DCDC1: variants seen among roughly 807,000 people sequenced by gnomAD.
DCDC1 encodes the protein doublecortin domain-containing protein 1.
DCDC1 carries 200 observed loss-of-function variants against 178.3 expected under a neutral mutation model. The observed-to-expected ratio is 1.12, with a 90% CI of 1.00 to 1.26. DCDC1 has a LOEUF of 1.26. Ranked by LOEUF, DCDC1 falls within the 50% of genes most tolerant of loss-of-function variation. The pLI is 0.00. For synonymous variants in DCDC1, 690 were observed against 604.8 expected (o/e 1.14, Z -2.07); for missense variants, 1,983 against 1,749.2 (o/e 1.13, Z -2.38).
intron 20 of DCDC1, among the ~76,000 whole-genome samples, chr11:30,978,829 CCCT>C (rs1950243763): frequency 7.3e-6 from 1 of 137,058 alleles, no homozygotes; most frequent in African/African-American, 3.0e-5. Context: ...CACACACACC[CCCT>C]TCTCAGCCTC....
intron 18 of DCDC1, among the ~76,000 whole-genome samples, chr11:31,073,468 T>G (rs569968929): frequency 3.3e-5 from 5 of 152,178 alleles, no homozygotes; most frequent in Non-Finnish European, 7.4e-5. Context: ...TTAGATAAGA[T>G]GGAATTATGT....
chr11:31,343,600 C>T (rs1950661256), intron 1 of DCDC1, among the ~76,000 whole-genome samples: 1 of 152,080 alleles, frequency 6.6e-6, no homozygotes, highest in African/African-American at 2.4e-5. Context: ...AGCGACCACA[C>T]CCAGCCTGAC....
chr11:30,935,508 C>CA (rs1236918756), intron 21 of DCDC1, among the ~76,000 whole-genome samples: 5 of 152,118 alleles, frequency 3.3e-5, no homozygotes, highest in African/African-American at 7.2e-5. Flanking sequence ...CCATCCCAGC[C>CA]ATATTAACTT....
At chr11:30,936,071 G>C (rs1437082494) in intron 21 of DCDC1, among the ~76,000 whole-genome samples, 1 of 151,802 alleles carries the variant, frequency 6.6e-6, no homozygotes, top group African/African-American at 2.4e-5. Flanking sequence ...TTCTTTCCAA[G>C]TCTTAATCAG....
At chr11:30,886,267 A>T (rs1943159454) in intron 36 of DCDC1, among the ~76,000 whole-genome samples, 1 of 152,182 alleles carries the variant, frequency 6.6e-6, no homozygotes, top group Non-Finnish European at 1.5e-5. Flanking sequence ...CCTAAATAGA[A>T]AACAGAATAA....
At chr11:30,910,191 A>C (rs1945344962) in intron 28 of DCDC1, among the ~76,000 whole-genome samples, 1 of 152,214 alleles carries the variant, frequency 6.6e-6, no homozygotes. Context: ...CCAGCAACAA[A>C]AAATTCTTGA....
chr11:30,969,283 T>C lies in DCDC1; in HGVS notation c.2592-16715A>G, dbSNP rs1478596855. ...TAGGCCCTAAACCTAATCATAAGTG[T>C]CCTTAGAAGAGAGAGGCAGAAGGAA... On this transcript the variant is annotated intron_variant, in intron 20 of 38. Transcript: ENST00000684477. Among the ~76,000 whole-genome samples the C allele has an allele frequency of 3.3e-5, 5 of 152,138 alleles. No homozygotes were observed. The East Asian group carries it at 9.6e-4, about 29-fold the overall frequency.
intron 20 of DCDC1, among the ~76,000 whole-genome samples, chr11:31,020,264 A>G (rs1952780910): frequency 6.6e-6 from 1 of 152,204 alleles, no homozygotes; most frequent in Non-Finnish European, 1.5e-5. Context: ...CCAGCCTCCA[A>G]AGCCAGACAA....
chr11:31,021,446 T>C (rs752975598), intron 20 of DCDC1, among the ~76,000 whole-genome samples: 4 of 152,094 alleles, frequency 2.6e-5, no homozygotes, highest in Non-Finnish European at 2.9e-5. Flanking sequence ...AAATCTCAAA[T>C]GTGTTGTTAA....
intron 32 of DCDC1, among the ~76,000 whole-genome samples, chr11:30,901,847 C>T (rs1258957012): frequency 3.3e-5 from 5 of 152,078 alleles, no homozygotes; most frequent in Non-Finnish European, 5.9e-5. Flanking sequence ...TCTTAAAACT[C>T]GTTTGAATAC....
chr11:31,276,644 C>A (rs865827639), intron 7 of DCDC1, among the ~76,000 whole-genome samples: 21 of 152,206 alleles, frequency 1.4e-4, no homozygotes, highest in Middle Eastern at 3.4e-3. Context: ...GAAGATTGGG[C>A]TAAATTTGTA....
intron 20 of DCDC1, among the ~76,000 whole-genome samples, chr11:31,012,897 C>A (rs1458371519): frequency 6.6e-6 from 1 of 152,024 alleles, no homozygotes; most frequent in Non-Finnish European, 1.5e-5. Flanking sequence ...ATAATAAACA[C>A]TAATTCAGAA....
At chr11:31,094,574 C>T (rs1958029143) in intron 15 of DCDC1, among the ~76,000 whole-genome samples, 1 of 152,062 alleles carries the variant, frequency 6.6e-6, no homozygotes, top group Non-Finnish European at 1.5e-5. Flanking sequence ...GGTGGAGCAT[C>T]TTGAAAGACG....
intron 21 of DCDC1, 93 bp from the exon 22 acceptor site, chr11:30,932,045 A>T (rs369671495): frequency 8.0e-7 from 1 of 1,243,462 alleles, no homozygotes; most frequent in African/African-American, 1.5e-5. Context: ...TATACCTTTA[A>T]TCTCTCATTC....
At chr11:31,227,537 C>T (rs1975154081) in intron 9 of DCDC1, among the ~76,000 whole-genome samples, 1 of 151,772 alleles carries the variant, frequency 6.6e-6, no homozygotes, top group African/African-American at 2.4e-5. Context: ...ATTTCAGTAG[C>T]AATGAAGTGA....
At chr11:30,922,470 G>A in intron 24 of DCDC1, 33 bp downstream of exon 24, 1 of 1,466,390 alleles carries the variant, frequency 6.8e-7, no homozygotes, top group African/African-American at 1.5e-5. Flanking sequence ...CATTTTGGCT[G>A]AATATATTAA....
At chr11:31,166,364 A>T (rs1433610444) in intron 9 of DCDC1, among the ~76,000 whole-genome samples, 2 of 152,218 alleles carry the variant, frequency 1.3e-5, no homozygotes, top group African/African-American at 4.8e-5. Flanking sequence ...AAACAAACTG[A>T]AATACGAAAA....
intron 9 of DCDC1, among the ~76,000 whole-genome samples, chr11:31,222,378 T>A (rs1183156079): frequency 6.6e-6 from 1 of 152,172 alleles, no homozygotes; most frequent in Non-Finnish European, 1.5e-5. Context: ...TAGTTTCTAA[T>A]AACATCTTGC....
chr11:31,265,308 C>A (rs1341094278), intron 8 of DCDC1, among the ~76,000 whole-genome samples, 199 bp downstream of exon 8: 2 of 151,936 alleles, frequency 1.3e-5, no homozygotes, highest in African/African-American at 4.8e-5. Flanking sequence ...TTTTTAAAAA[C>A]TCCAAACTTG....
Sources: allele counts gnomAD v4.1 joint callset (sites outside exome capture counted in the v4.1 genomes callset), GRCh38; gene constraint gnomAD v4.1.1; transcripts MANE v1.5; gene names NCBI Gene and HGNC (gene_info 2026-07-23, HGNC 2026-07-21).